TMEM132D: variants seen among roughly 807,000 people sequenced by gnomAD.
TMEM132D encodes the protein transmembrane protein 132D, also known as mature OL transmembrane protein.
In TMEM132D, 21 loss-of-function variants were observed where a neutral mutation model predicts 62.3. The ratio of observed to expected loss-of-function variants is 0.34; its 90% CI spans 0.24 to 0.49. The LOEUF is 0.49. TMEM132D is among the 20% of genes least tolerant of loss of function. The pLI, the probability that TMEM132D is intolerant of heterozygous loss-of-function variation, is 0.99. For synonymous variants in TMEM132D, 621 were observed against 575.6 expected, an observed-to-expected ratio of 1.08 and a Z score of -1.13; for missense variants, 1,346 against 1,402.8, an observed-to-expected ratio of 0.96 and a Z score of 0.65.
At chr12:129,316,358 C>T (rs1390953346) in intron 4 of TMEM132D, among the ~76,000 whole-genome samples, 1 of 152,060 alleles carries the variant, frequency 6.6e-6, no homozygotes, top group Admixed American at 6.6e-5. Flanking sequence ...TATTGTCATT[C>T]GGTTTGAAGA....
chr12:129,275,314 A>G (rs1161099477), intron 4 of TMEM132D, among the ~76,000 whole-genome samples: 1 of 152,118 alleles, frequency 6.6e-6, no homozygotes, highest in Non-Finnish European at 1.5e-5. Context: ...ATAATAATAA[A>G]AATAACTCAA....
At chr12:129,634,823 A>G (rs1879438171) in intron 2 of TMEM132D, among the ~76,000 whole-genome samples, 1 of 152,142 alleles carries the variant, frequency 6.6e-6, no homozygotes, top group Non-Finnish European at 1.5e-5. Context: ...AATTTGCCTT[A>G]TAGTTTTATT....
chr12:129,244,028 T>C (rs1170402367), intron 4 of TMEM132D, among the ~76,000 whole-genome samples: 1 of 152,142 alleles, frequency 6.6e-6, no homozygotes, highest in Admixed American at 6.5e-5. Context: ...GGAGGTGCTA[T>C]GTTGATAGTC....
chr12:129,195,231 A>G (rs1445928649), intron 5 of TMEM132D, among the ~76,000 whole-genome samples: 1 of 152,074 alleles, frequency 6.6e-6, no homozygotes, highest in African/African-American at 2.4e-5. Context: ...GGAGAAAGGC[A>G]GGGTGAGGTC....
chr12:129,587,059 G>C (rs1444517236), intron 2 of TMEM132D, among the ~76,000 whole-genome samples: 1 of 152,086 alleles, frequency 6.6e-6, no homozygotes, highest in Non-Finnish European at 1.5e-5. Flanking sequence ...TGTAAAAATA[G>C]CATGTGCATA....
rs561736401 is a variant in TMEM132D at position 129,672,362 on chromosome 12, G to A, written c.968+27448C>T. Among the ~76,000 whole-genome samples the A allele has an allele frequency of 9.2e-5, 14 of 152,314 alleles. No individual in the cohort carries two copies. In the East Asian group the frequency reaches 2.7e-3, roughly 29 times the overall value. ...ATGTGAAGGATGGCAGAGCCCCAAA[G>A]GGAGCCCAGCTCGTCACCTTTCCCA... On this transcript the variant is annotated intron_variant, in intron 2 of 8. Coordinates refer to ENST00000422113, the MANE Select transcript of TMEM132D (RefSeq NM_133448.3).
rs138900055 is a variant in TMEM132D at position 129,389,924 on chromosome 12, T to A, written c.1116-52107A>T. Among the ~76,000 whole-genome samples, 700 of 152,346 alleles carry A rather than the reference T, an allele frequency of 4.6e-3. 6 individuals are homozygous for A. Among genetic ancestry groups the A allele is most frequent in the African/African-American group, 0.016 (661 of 41,592 alleles). On this transcript the variant is annotated intron_variant, in intron 3 of 8. Coordinates refer to ENST00000422113, the MANE Select transcript of TMEM132D (RefSeq NM_133448.3). ...CCATTTGATTCCATGGTGAGACTTT[T>A]AGTTGCTCTTCTACCACGGGCAGTT...
At chr12:129,502,331 A>G (rs1593040483) in intron 3 of TMEM132D, among the ~76,000 whole-genome samples, 1 of 152,126 alleles carries the variant, frequency 6.6e-6, no homozygotes, top group African/African-American at 2.4e-5. Flanking sequence ...GTTCGCTACC[A>G]TTGCTACCAT....
At chr12:129,486,569 A>C (rs1874585538) in intron 3 of TMEM132D, among the ~76,000 whole-genome samples, 1 of 152,188 alleles carries the variant, frequency 6.6e-6, no homozygotes, top group African/African-American at 2.4e-5. Context: ...TAATAATGAT[A>C]GTAATAAAGC....
intron 5 of TMEM132D, among the ~76,000 whole-genome samples, chr12:129,181,527 C>A (rs1878064704): frequency 6.6e-6 from 1 of 152,168 alleles, no homozygotes; most frequent in Admixed American, 6.5e-5. Context: ...GGATAAAATC[C>A]CAACCTTGGC....
intron 3 of TMEM132D, among the ~76,000 whole-genome samples, chr12:129,417,868 C>T (rs1019176400): frequency 6.6e-6 from 1 of 152,116 alleles, no homozygotes; most frequent in Non-Finnish European, 1.5e-5. Context: ...AAAAAACAAA[C>T]CCCATCAAAC....
At chr12:129,163,431 C>G (rs932454665) in intron 5 of TMEM132D, among the ~76,000 whole-genome samples, 2 of 152,186 alleles carry the variant, frequency 1.3e-5, no homozygotes, top group African/African-American at 4.8e-5. Context: ...AAGCTGACTT[C>G]TATGGGTCGA....
chr12:129,113,616 G>C (rs763603301), intron 5 of TMEM132D, among the ~76,000 whole-genome samples: 1 of 152,220 alleles, frequency 6.6e-6, no homozygotes, highest in Non-Finnish European at 1.5e-5. Flanking sequence ...GGGTGCTAAA[G>C]TGTTCTAGGG....
intron 5 of TMEM132D, among the ~76,000 whole-genome samples, chr12:129,113,855 C>T (rs1875801240): frequency 6.6e-6 from 1 of 151,964 alleles, no homozygotes; most frequent in African/African-American, 2.4e-5. Context: ...TTGATCTTGA[C>T]AGAAGACCAG....
intron 1 of TMEM132D, among the ~76,000 whole-genome samples, chr12:129,780,762 C>T (rs967031146): frequency 6.6e-5 from 10 of 152,168 alleles, no homozygotes; most frequent in Non-Finnish European, 1.5e-4. Context: ...GGCCATTCAT[C>T]CGGTACCTTT....
intron 3 of TMEM132D, among the ~76,000 whole-genome samples, chr12:129,505,444 C>T (rs578066750): frequency 4.6e-5 from 7 of 152,168 alleles, no homozygotes; most frequent in Admixed American, 1.3e-4. Context: ...GGGGTTTCGC[C>T]ATGTTAGCCA....
chr12:129,657,196 C>T lies in TMEM132D; in HGVS notation c.968+42614G>A, dbSNP rs139050100. 4.3e-4 allele frequency among the ~76,000 whole-genome samples: 66 copies of T among 152,286 alleles called. 1 individual carries two copies. Among genetic ancestry groups the T allele is most frequent in the African/African-American group, 1.6e-3 (66 of 41,552 alleles). On this transcript the variant is annotated intron_variant, in intron 2 of 8. Transcript: ENST00000422113. ...TCCTGAGATGCATGTGTTCACCAGCCCTCCAGTAACATGTGCAACATCTGT... is the reference window on the plus strand; with the variant it reads ...TCCTGAGATGCATGTGTTCACCAGCTCTCCAGTAACATGTGCAACATCTGT...
chr12:129,324,864 T>A (rs985388806), intron 4 of TMEM132D, among the ~76,000 whole-genome samples: 22 of 152,274 alleles, frequency 1.4e-4, no homozygotes, highest in African/African-American at 5.1e-4. Flanking sequence ...TACTTTAATT[T>A]TTTTGCATGT....
At chr12:129,255,862 T>C (rs1042984463) in intron 4 of TMEM132D, among the ~76,000 whole-genome samples, 1 of 152,226 alleles carries the variant, frequency 6.6e-6, no homozygotes, top group African/African-American at 2.4e-5. Flanking sequence ...TTATCGCTCA[T>C]TGACTATCAT....
Sources: gnomAD v4.1 joint callset for allele counts (sites outside exome capture counted in the v4.1 genomes callset) on GRCh38, gnomAD v4.1.1 for gene constraint, MANE v1.5 for transcripts, NCBI Gene and HGNC (gene_info 2026-07-23, HGNC 2026-07-21) for gene names.